The following LRRC4C variants were observed in gnomAD, a reference collection of about 807,000 sequenced individuals.
The protein encoded by LRRC4C is leucine rich repeat containing 4C, also known as leucine-rich repeat-containing protein 4C.
Under a neutral mutation model 33.6 loss-of-function variants are expected in LRRC4C, and 5 were observed. The observed-to-expected ratio is 0.15, with a 90% CI of 0.08 to 0.31. The LOEUF (loss-of-function observed/expected upper bound fraction) is 0.31. Among genes scored for constraint, LRRC4C ranks in the 10% least tolerant of loss-of-function variants. The pLI is 1.00. For synonymous variants in LRRC4C, 329 were observed against 302.0 expected (o/e 1.09, Z -0.93); for missense variants, 560 against 796.7 (o/e 0.70, Z 3.58).
At chr11:41,365,750 C>T (rs1310273714) in intron 1 of LRRC4C, among the ~76,000 whole-genome samples, 1 of 152,124 alleles carries the variant, frequency 6.6e-6, no homozygotes, top group Non-Finnish European at 1.5e-5. Flanking sequence ...CTGTAGCTAA[C>T]TAGAAGTAGA....
chr11:41,115,008 T>A lies in LRRC4C; in HGVS notation c.-495-181285A>T, dbSNP rs1222675090. On this transcript the variant is annotated intron_variant, in intron 1 of 6. Coordinates refer to ENST00000528697, the MANE Select transcript of LRRC4C (RefSeq NM_001258419.2). Reference sequence around the variant, plus strand: ...GGGATAAAACAGGACTGGCCATTTTTTCATAACTGTTGAAGGCAGGTTACA... The same window carrying A: ...GGGATAAAACAGGACTGGCCATTTTATCATAACTGTTGAAGGCAGGTTACA... 2.0e-5 allele frequency among the ~76,000 whole-genome samples: 3 copies of A among 152,230 alleles called. No homozygotes were observed. In the East Asian group the frequency reaches 5.8e-4, roughly 29 times the overall value.
intron 5 of LRRC4C, among the ~76,000 whole-genome samples, chr11:40,236,467 G>C (rs973721209): frequency 6.6e-6 from 1 of 152,140 alleles, no homozygotes; most frequent in Non-Finnish European, 1.5e-5. Context: ...ACTGGTATCT[G>C]TTAATTCTTT....
intron 2 of LRRC4C, among the ~76,000 whole-genome samples, chr11:40,864,461 A>T (rs1454287995): frequency 6.6e-6 from 1 of 152,208 alleles, no homozygotes; most frequent in Non-Finnish European, 1.5e-5. Context: ...CAACTCTGTG[A>T]CTACAATGGC....
chr11:40,490,571 C>T (rs1954097229), intron 3 of LRRC4C, among the ~76,000 whole-genome samples: 1 of 152,050 alleles, frequency 6.6e-6, no homozygotes. Flanking sequence ...CTTTGGTCTC[C>T]ACTTTCTCTT....
intron 1 of LRRC4C, among the ~76,000 whole-genome samples, chr11:40,957,261 G>T (rs892996997): frequency 2.6e-5 from 4 of 151,720 alleles, no homozygotes; most frequent in Admixed American, 6.6e-5. Flanking sequence ...ATAAAATAAG[G>T]TGCAAGTCGC....
intron 2 of LRRC4C, among the ~76,000 whole-genome samples, chr11:40,830,292 T>C (rs10742562): frequency 0.91 from 139,201 of 152,148 alleles, 63,825 homozygotes; most frequent in East Asian, 1. Context: ...TCCACTTCTT[T>C]GTTAATACAT....
chr11:40,640,883 G>A (rs890426902), intron 3 of LRRC4C, among the ~76,000 whole-genome samples: 1 of 151,890 alleles, frequency 6.6e-6, no homozygotes, highest in Non-Finnish European at 1.5e-5. Flanking sequence ...GGGCGTGGTG[G>A]CGGGCGCCTG....
At chr11:41,059,056 G>C (rs184068619) in intron 1 of LRRC4C, among the ~76,000 whole-genome samples, 1 of 152,170 alleles carries the variant, frequency 6.6e-6, no homozygotes, top group East Asian at 1.9e-4. Context: ...GCTGACTTGA[G>C]GGTAGAAGTT....
At chr11:41,195,429 A>G (rs1306365236) in intron 1 of LRRC4C, among the ~76,000 whole-genome samples, 2 of 152,118 alleles carry the variant, frequency 1.3e-5, no homozygotes, top group African/African-American at 2.4e-5. Context: ...TCAATTCTCA[A>G]TGGCTGTCAA....
chr11:41,378,889 G>C (rs1383466760), intron 1 of LRRC4C, among the ~76,000 whole-genome samples: 1 of 151,054 alleles, frequency 6.6e-6, no homozygotes, highest in Non-Finnish European at 1.5e-5. Context: ...TCAAGACTTA[G>C]GAACAAAAAC....
At chr11:41,042,213 C>T (rs1857483999) in intron 1 of LRRC4C, among the ~76,000 whole-genome samples, 1 of 152,100 alleles carries the variant, frequency 6.6e-6, no homozygotes, top group Non-Finnish European at 1.5e-5. Context: ...TTCTGAAATA[C>T]TTAGTTGTGA....
intron 1 of LRRC4C, among the ~76,000 whole-genome samples, chr11:41,171,580 AT>A (rs1196841424): frequency 9.7e-5 from 14 of 144,338 alleles, no homozygotes; most frequent in Non-Finnish European, 2.0e-4. Context: ...GAAGGGGAAC[AT>A]CACACACCGG....
At chr11:40,990,425 T>A (rs1189070047) in intron 1 of LRRC4C, among the ~76,000 whole-genome samples, 1 of 151,792 alleles carries the variant, frequency 6.6e-6, no homozygotes, top group African/African-American at 2.4e-5. Flanking sequence ...GGCTTAGAAG[T>A]GTGCAACTTG....
chr11:41,169,523 A>T (rs1280117149), intron 1 of LRRC4C, among the ~76,000 whole-genome samples: 1 of 152,124 alleles, frequency 6.6e-6, no homozygotes, highest in Non-Finnish European at 1.5e-5. Context: ...GTACCAGGGG[A>T]TTATATCATA....
intron 4 of LRRC4C, among the ~76,000 whole-genome samples, chr11:40,274,424 TACACAC>T (rs56027023): frequency 0.048 from 6,626 of 139,018 alleles, 180 homozygotes; most frequent in African/African-American, 0.079. Flanking sequence ...GACACACACA[TACACAC>T]ACACACACAC....
chr11:40,976,843 T>A (rs1397778674), intron 1 of LRRC4C, among the ~76,000 whole-genome samples: 1 of 152,100 alleles, frequency 6.6e-6, no homozygotes, highest in Admixed American at 6.5e-5. Context: ...TGGAAGGCAA[T>A]TTTTTTCCAC....
chr11:40,349,829 T>C (rs1310450198), intron 3 of LRRC4C, among the ~76,000 whole-genome samples: 1 of 152,160 alleles, frequency 6.6e-6, no homozygotes, highest in Non-Finnish European at 1.5e-5. Flanking sequence ...ATCAATGATG[T>C]TAAGGACTTT....
intron 2 of LRRC4C, among the ~76,000 whole-genome samples, chr11:40,724,578 C>T (rs1342283159): frequency 6.6e-6 from 1 of 152,084 alleles, no homozygotes; most frequent in Non-Finnish European, 1.5e-5. Context: ...GAAAACACTA[C>T]ATACCAAAAT....
intron 2 of LRRC4C, among the ~76,000 whole-genome samples, chr11:40,796,635 C>CTTTTTTTTT (rs1188389556): frequency 2.4e-4 from 25 of 104,928 alleles, no homozygotes; most frequent in East Asian, 2.9e-4. Context: ...AAGCAGAACT[C>CTTTTTTTTT]TTTTTTTTTT....
Sources: allele counts gnomAD v4.1 joint callset (sites outside exome capture counted in the v4.1 genomes callset), GRCh38; gene constraint gnomAD v4.1.1; transcripts MANE v1.5; gene names NCBI Gene and HGNC (gene_info 2026-07-23, HGNC 2026-07-21).